HARBI1: variants seen among roughly 807,000 people sequenced by gnomAD.
HARBI1 encodes the protein harbinger transposase derived 1.
Under a neutral mutation model 25.3 loss-of-function variants are expected in HARBI1, and 15 were observed. That is an observed-to-expected ratio of 0.59 (90% CI 0.40 to 0.91). The LOEUF is 0.91. Ranked by LOEUF, HARBI1 falls within the 40% of genes least tolerant of loss-of-function variation. HARBI1 has a pLI of 0.00. For missense variants in HARBI1, 396 were observed against 445.8 expected (o/e 0.89, Z 1.01); for synonymous variants, 168 against 160.5 (o/e 1.05, Z -0.35).
At chr11:46,613,037 T>C (rs1370869136) in intron 2 of HARBI1, among the ~76,000 whole-genome samples, 1 of 134,570 alleles carries the variant, frequency 7.4e-6, no homozygotes, top group African/African-American at 2.9e-5. Context: ...TGGAGTGCAG[T>C]AGTGTGATCT....
chr11:46,607,201 G>A (rs2044988799), intron 2 of HARBI1, among the ~76,000 whole-genome samples: 2 of 149,352 alleles, frequency 1.3e-5, no homozygotes, highest in African/African-American at 2.5e-5. Context: ...GGTAGAGGAT[G>A]CAGTGAGCCG....
At chr11:46,604,100 C>T (rs187537920) in intron 2 of HARBI1, 191 bp from the exon 3 acceptor site, 20 of 985,350 alleles carry the variant, frequency 2.0e-5, no homozygotes, top group Non-Finnish European at 2.2e-5. Flanking sequence ...CAGAAAGACA[C>T]GAGTTCTGGC....
chr11:46,611,342 A>C (rs2045176430), intron 2 of HARBI1, among the ~76,000 whole-genome samples: 1 of 152,088 alleles, frequency 6.6e-6, no homozygotes, highest in Admixed American at 6.6e-5. Context: ...ATAAGCATTA[A>C]GTGATATAAT....
At position 46,617,174 on chromosome 11, in the gene HARBI1, G is replaced by T; in HGVS notation, c.-195C>A. The T allele has an allele frequency of 4.6e-6, 1 of 219,176 alleles. No individual in the cohort carries two copies. Among genetic ancestry groups the T allele is most frequent in the Non-Finnish European group, 7.7e-6 (1 of 129,394 alleles). The allele number at this position is 219,176 out of a possible 1,614,324, so 13.6% of individuals were successfully genotyped here. On this transcript the variant is annotated 5_prime_UTR_variant, in exon 1 of 3. Coordinates refer to ENST00000326737, the MANE Select transcript of HARBI1 (RefSeq NM_173811.4). ...CCACACTTCCCACCCACCCAGCCGG[G>T]TTGGGCCCTCCTCCGGAACCGGCGA...
intron 2 of HARBI1, among the ~76,000 whole-genome samples, chr11:46,606,373 T>G (rs1359823379): frequency 6.6e-6 from 1 of 150,596 alleles, no homozygotes; most frequent in African/African-American, 2.4e-5. Flanking sequence ...AGTGCAGTGG[T>G]GCAATCTCGG....
At chr11:46,604,473 C>A in intron 2 of HARBI1, 1 of 963,894 alleles carries the variant, frequency 1.0e-6, no homozygotes, top group Non-Finnish European at 1.2e-6. Flanking sequence ...CTTAATAAAA[C>A]CAAATAAAAT....
chr11:46,611,250 G>C (rs918773985), intron 2 of HARBI1, among the ~76,000 whole-genome samples: 3 of 151,954 alleles, frequency 2.0e-5, no homozygotes, highest in Admixed American at 6.6e-5. Flanking sequence ...CTCGTGATCC[G>C]CCCACCTCGG....
In HARBI1 at chr11:46,603,025, T is replaced by C. The variant is rs1277436486; in HGVS notation, c.*505A>G. 2 of 152,598 alleles carry C rather than the reference T, an allele frequency of 1.3e-5. No individual in the cohort carries two copies. Among genetic ancestry groups the C allele is most frequent in the African/African-American group, 4.8e-5 (2 of 41,428 alleles). The allele number at this position is 152,598 out of a possible 1,614,324, so 9.5% of individuals were successfully genotyped here. A position where few individuals can be genotyped will look rare whatever the true frequency, so the allele number is the denominator to read the frequency against. On this transcript the variant is annotated 3_prime_UTR_variant, in exon 3 of 3. Coordinates refer to ENST00000326737, the MANE Select transcript of HARBI1 (RefSeq NM_173811.4). ...CGCCCAGCTAATTTTTTTGTATTTT[T>C]AGTAGAGACAGGGTCTTGCCATGTT... is the stretch of plus-strand genomic sequence containing the variant.
At chr11:46,614,325 G>A (rs1277032577) in intron 2 of HARBI1, among the ~76,000 whole-genome samples, 2 of 152,014 alleles carry the variant, frequency 1.3e-5, no homozygotes, top group Admixed American at 1.3e-4. Context: ...TACTCAGGAG[G>A]CTGAGGCAGA....
rs998386273 is a variant in HARBI1, at chr11:46,613,771, C to T, written c.670+1797G>A. On this transcript the variant is annotated intron_variant, in intron 2 of 2. Coordinates refer to ENST00000326737, the MANE Select transcript of HARBI1 (RefSeq NM_173811.4). ...GTGCTGGGATTACAGTCGTGAGCTA[C>T]CGCACCCAGCAGTATTTTGGCTTTA... Among the ~76,000 whole-genome samples, 3 of 152,228 alleles carry T rather than the reference C, an allele frequency of 2.0e-5. No homozygotes were observed. In the East Asian group the frequency reaches 5.8e-4, roughly 29 times the overall value.
intron 2 of HARBI1, among the ~76,000 whole-genome samples, chr11:46,614,122 T>C (rs2045289679): frequency 6.6e-6 from 1 of 151,254 alleles, no homozygotes; most frequent in South Asian, 2.1e-4. Flanking sequence ...ATAAAATACA[T>C]TTATTAATAT....
chr11:46,608,472 T>C (rs952082339), intron 2 of HARBI1, among the ~76,000 whole-genome samples: 5 of 152,108 alleles, frequency 3.3e-5, no homozygotes, highest in Non-Finnish European at 4.4e-5. Context: ...TGATTTAGGG[T>C]ATCTCTCTGT....
At chr11:46,607,466 C>T (rs2045000048) in intron 2 of HARBI1, among the ~76,000 whole-genome samples, 1 of 151,984 alleles carries the variant, frequency 6.6e-6, no homozygotes, top group Non-Finnish European at 1.5e-5. Context: ...GAATATAATG[C>T]TGTAAAAGAG....
At chr11:46,610,442 A>C (rs1382004716) in intron 2 of HARBI1, among the ~76,000 whole-genome samples, 1 of 151,582 alleles carries the variant, frequency 6.6e-6, no homozygotes, top group Non-Finnish European at 1.5e-5. Flanking sequence ...GGGCGGATCA[A>C]GAGGTCAGGA....
intron 2 of HARBI1, among the ~76,000 whole-genome samples, chr11:46,607,177 G>GT (rs2044987765): frequency 6.8e-6 from 1 of 147,698 alleles, no homozygotes. Context: ...GTAGAAAACT[G>GT]TTTGAACCTG....
chr11:46,610,044 G>C (rs1309624757), intron 2 of HARBI1, among the ~76,000 whole-genome samples: 1 of 151,296 alleles, frequency 6.6e-6, no homozygotes, highest in African/African-American at 2.4e-5. Context: ...GTAGAGATGA[G>C]GTTTCACCAT....
intron 2 of HARBI1, 103 bp from the exon 3 acceptor site, chr11:46,604,012 A>T: frequency 1.4e-6 from 2 of 1,448,286 alleles, no homozygotes; most frequent in South Asian, 3.0e-5. Context: ...AAAATACAAC[A>T]GCCTCTGGCG....
intron 2 of HARBI1, among the ~76,000 whole-genome samples, chr11:46,613,890 C>T (rs944931436): frequency 7.2e-5 from 11 of 151,800 alleles, no homozygotes; most frequent in Non-Finnish European, 1.0e-4. Context: ...AGGCTAATCT[C>T]GAGCTCCTGG....
At chr11:46,609,824 A>C (rs899391340) in intron 2 of HARBI1, among the ~76,000 whole-genome samples, 10 of 146,764 alleles carry the variant, frequency 6.8e-5, no homozygotes, top group South Asian at 2.1e-4. Flanking sequence ...CAGACTCTAC[A>C]AAAAAAAAAA....
Sources: allele counts gnomAD v4.1 joint callset (sites outside exome capture counted in the v4.1 genomes callset), GRCh38; gene constraint gnomAD v4.1.1; transcripts MANE v1.5; gene names NCBI Gene and HGNC (gene_info 2026-07-23, HGNC 2026-07-21).